NRXN3: variants seen among roughly 807,000 people sequenced by gnomAD.
NRXN3 encodes neurexin III.
Under a neutral mutation model 137.6 loss-of-function variants are expected in NRXN3, and 32 were observed. The observed-to-expected ratio is 0.23, with a 90% CI of 0.18 to 0.31. The LOEUF is 0.31. Ranked by LOEUF, NRXN3 falls within the 10% of genes least tolerant of loss-of-function variation. The probability of loss-of-function intolerance (pLI) is 1.00; values close to 1 mark genes in which losing one functional copy is unlikely to be tolerated. For synonymous variants in NRXN3, 798 were observed against 784.5 expected (o/e 1.02, Z -0.29); for missense variants, 1,574 against 2,062.5 (o/e 0.76, Z 4.59).
At chr14:78,904,810 G>A (rs183622715) in intron 10 of NRXN3, among the ~76,000 whole-genome samples, 104 of 150,318 alleles carry the variant, frequency 6.9e-4, no homozygotes, top group African/African-American at 2.0e-3. Flanking sequence ...TGACTTCCTC[G>A]TCTCCAATCA....
At chr14:79,772,538 A>G (rs960026882) in intron 19 of NRXN3, among the ~76,000 whole-genome samples, 1 of 152,334 alleles carries the variant, frequency 6.6e-6, no homozygotes, top group African/African-American at 2.4e-5. Flanking sequence ...AGGATTCCCT[A>G]TTTAATAAAT....
intron 4 of NRXN3, chr14:78,403,602 G>C: frequency 2.1e-6 from 1 of 480,372 alleles, no homozygotes; most frequent in Non-Finnish European, 2.7e-6. Context: ...CCCCAGATGT[G>C]TGCAGGTTTC....
chr14:78,738,446 C>T (rs931968026), intron 8 of NRXN3, among the ~76,000 whole-genome samples: 2 of 152,166 alleles, frequency 1.3e-5, no homozygotes, highest in African/African-American at 4.8e-5. Flanking sequence ...TTACCCTCCC[C>T]TCCCATTTAC....
chr14:78,904,356 T>C (rs2099208008), intron 10 of NRXN3, among the ~76,000 whole-genome samples: 1 of 152,062 alleles, frequency 6.6e-6, no homozygotes, highest in African/African-American at 2.4e-5. Context: ...CAACTGAGAA[T>C]TGTCCAGCCC....
At chr14:78,791,457 C>T (rs943234161) in intron 8 of NRXN3, among the ~76,000 whole-genome samples, 7 of 152,068 alleles carry the variant, frequency 4.6e-5, no homozygotes, top group African/African-American at 1.7e-4. Context: ...GCATGATGAG[C>T]CTGCTAGCCC....
At chr14:79,825,977 A>T (rs2099297518) in intron 20 of NRXN3, among the ~76,000 whole-genome samples, 1 of 150,374 alleles carries the variant, frequency 6.7e-6, no homozygotes, top group Non-Finnish European at 1.5e-5. Flanking sequence ...CCCAAATTAC[A>T]CATATATATA....
chr14:78,659,300 G>A lies in NRXN3; in HGVS notation c.1221+7974G>A, dbSNP rs181185187. 2.4e-3 allele frequency among the ~76,000 whole-genome samples: 364 copies of A among 152,100 alleles called. 3 individuals are homozygous for A. The highest frequency in any genetic ancestry group is 8.4e-3 in the African/African-American group (347 of 41,494). On this transcript the variant is annotated intron_variant, in intron 6 of 20. Transcript: ENST00000335750. The stretch of plus-strand genomic sequence containing the variant: ...CCTGGAGTGTGAGAAAATAAGTTTC[G>A]GTAAAGTCAACCAGTCTGTGGTATT...
chr14:79,324,517 T>C (rs1299720950), intron 15 of NRXN3, among the ~76,000 whole-genome samples: 1 of 152,212 alleles, frequency 6.6e-6, no homozygotes, highest in Non-Finnish European at 1.5e-5. Flanking sequence ...TTGTGACTTG[T>C]ATCAGTATTA....
chr14:78,815,095 T>C (rs1172459040), intron 10 of NRXN3, among the ~76,000 whole-genome samples: 2 of 152,220 alleles, frequency 1.3e-5, no homozygotes, highest in African/African-American at 4.8e-5. Flanking sequence ...AGTTTGTGTA[T>C]AAGCCTGATT....
chr14:79,413,329 C>T (rs1271551590), intron 15 of NRXN3, among the ~76,000 whole-genome samples: 3 of 152,152 alleles, frequency 2.0e-5, no homozygotes, highest in Admixed American at 2.0e-4. Flanking sequence ...AAGTAAATTA[C>T]ATGGTTTTAG....
At chr14:78,917,055 T>C (rs2099257146) in intron 10 of NRXN3, among the ~76,000 whole-genome samples, 1 of 152,188 alleles carries the variant, frequency 6.6e-6, no homozygotes, top group African/African-American at 2.4e-5. Context: ...TCAAATATGG[T>C]AAGCCTCTGT....
chr14:79,320,681 G>A (rs1032086730), intron 15 of NRXN3, among the ~76,000 whole-genome samples: 1 of 152,110 alleles, frequency 6.6e-6, no homozygotes, highest in Non-Finnish European at 1.5e-5. Context: ...GTATCTGTGG[G>A]AAACTATTTA....
intron 1 of NRXN3, among the ~76,000 whole-genome samples, chr14:78,230,530 T>C (rs2065255740): frequency 1.3e-5 from 2 of 152,144 alleles, no homozygotes; most frequent in African/African-American, 4.8e-5. Context: ...AAACCTGCCA[T>C]CCTTCTAAGC....
chr14:79,496,256 G>GACAC (rs72461338), intron 16 of NRXN3, among the ~76,000 whole-genome samples: 1,831 of 140,284 alleles, frequency 0.013, 37 homozygotes, highest in East Asian at 0.048. Flanking sequence ...CACACACACA[G>GACAC]ACACACACAC....
At chr14:78,570,833 C>T (rs1280005647) in intron 4 of NRXN3, among the ~76,000 whole-genome samples, 2 of 152,200 alleles carry the variant, frequency 1.3e-5, no homozygotes, top group Non-Finnish European at 2.9e-5. Flanking sequence ...TGGAAGTTTA[C>T]CCGTATGAGT....
In NRXN3 at chr14:79,456,646, G is replaced by A. The variant is rs369712495; in HGVS notation, c.3263-10575G>A. On this transcript the variant is annotated intron_variant, in intron 15 of 20. Coordinates refer to ENST00000335750, the MANE Select transcript of NRXN3 (RefSeq NM_001330195.2). ...GGAGGCTGAGACAGGAGAATCTCTT[G>A]AACCTGGAGGCAGAGGTTGCTGTGA... is the stretch of plus-strand genomic sequence containing the variant. 4.4e-3 allele frequency among the ~76,000 whole-genome samples: 672 copies of A among 151,836 alleles called. 7 individuals are homozygous for A. The highest frequency in any genetic ancestry group is 0.015 in the African/African-American group (616 of 41,384).
chr14:78,740,365 C>T (rs2098559227), intron 8 of NRXN3, among the ~76,000 whole-genome samples: 2 of 122,834 alleles, frequency 1.6e-5, no homozygotes, highest in African/African-American at 5.6e-5. Flanking sequence ...AATAATAAAG[C>T]ACTTGTTCCC....
chr14:79,022,710 G>A (rs940402529), intron 15 of NRXN3, among the ~76,000 whole-genome samples: 1 of 152,156 alleles, frequency 6.6e-6, no homozygotes, highest in Non-Finnish European at 1.5e-5. Flanking sequence ...GCTTGGATGA[G>A]GTGATGGATG....
At chr14:78,523,643 C>CAAAAAAAAAAAAAAAA in intron 4 of NRXN3, among the ~76,000 whole-genome samples, 1 of 77,730 alleles carries the variant, frequency 1.3e-5, no homozygotes, top group Non-Finnish European at 2.4e-5. Flanking sequence ...ACTACAAATA[C>CAAAAAAAAAAAAAAAA]AAAAAAAAAA....
Sources: allele counts gnomAD v4.1 joint callset (sites outside exome capture counted in the v4.1 genomes callset), GRCh38; gene constraint gnomAD v4.1.1; transcripts MANE v1.5; gene names NCBI Gene and HGNC (gene_info 2026-07-23, HGNC 2026-07-21).